Variants in STPG4 observed in about 807,000 individuals in gnomAD.
STPG4 encodes the protein sperm-tail PG-rich repeat containing 4, also known as protein STPG4.
In STPG4, 41 loss-of-function variants were observed where a neutral mutation model predicts 31.5. That is an observed-to-expected ratio of 1.30 (90% CI 1.01 to 1.69). STPG4 has a LOEUF of 1.69. Among genes scored for constraint, STPG4 ranks in the 40% most tolerant of loss-of-function variants. The pLI is 0.00. For missense variants in STPG4, 375 were observed against 293.4 expected (o/e 1.28, Z -2.03); for synonymous variants, 141 against 103.0 (o/e 1.37, Z -2.24).
At chr2:47,115,449 G>T (rs1258030729) in intron 5 of STPG4, among the ~76,000 whole-genome samples, 1 of 152,108 alleles carries the variant, frequency 6.6e-6, no homozygotes, top group Non-Finnish European at 1.5e-5. Flanking sequence ...GTTTTTGCAT[G>T]TTGAAAGTCT....
At chr2:47,142,274 CA>C (rs56407877) in intron 3 of STPG4, among the ~76,000 whole-genome samples, 128,349 of 151,360 alleles carry the variant, frequency 0.85, 54,900 homozygotes, top group South Asian at 0.94. Flanking sequence ...TCTTTTTGAC[CA>C]AAAAAAAAGA....
intron 5 of STPG4, 121 bp downstream of exon 5, chr2:47,129,820 G>C: frequency 8.0e-7 from 1 of 1,251,126 alleles, no homozygotes; most frequent in Non-Finnish European, 1.1e-6. Flanking sequence ...GGATAATGGT[G>C]TTCCTGCTAG....
At chr2:47,152,378 C>A (rs1686956110) in intron 2 of STPG4, among the ~76,000 whole-genome samples, 1 of 152,178 alleles carries the variant, frequency 6.6e-6, no homozygotes, top group Non-Finnish European at 1.5e-5. Context: ...GCTTTTGTGG[C>A]CATCTTTCCA....
chr2:47,107,565 C>T (rs1295061277), intron 5 of STPG4, among the ~76,000 whole-genome samples: 1 of 152,150 alleles, frequency 6.6e-6, no homozygotes, highest in Non-Finnish European at 1.5e-5. Context: ...GCCTCCCACC[C>T]CCTGTATGGG....
At chr2:47,130,141 T>C (rs1050387231) in intron 4 of STPG4, 55 bp downstream of exon 4, 5 of 1,529,288 alleles carry the variant, frequency 3.3e-6, no homozygotes, top group South Asian at 2.3e-5. Context: ...GCCAGGAGTA[T>C]TGGCGTGTAG....
At chr2:47,152,764 T>C (rs181752950) in intron 2 of STPG4, among the ~76,000 whole-genome samples, 193 bp downstream of exon 2, 1 of 152,346 alleles carries the variant, frequency 6.6e-6, no homozygotes, top group Admixed American at 6.5e-5. Context: ...CAAGCTTCTA[T>C]TGCATTCAAA....
At chr2:47,095,071 G>A (rs181037093) in intron 5 of STPG4, among the ~76,000 whole-genome samples, 1 of 152,344 alleles carries the variant, frequency 6.6e-6, no homozygotes, top group East Asian at 1.9e-4. Flanking sequence ...ACTGTCCCAA[G>A]TTGTTAGGCA....
chr2:47,114,283 T>C (rs904748996), intron 5 of STPG4, among the ~76,000 whole-genome samples: 1 of 151,984 alleles, frequency 6.6e-6, no homozygotes, highest in African/African-American at 2.4e-5. Context: ...GGTGGGCAGA[T>C]CGCTTGAGGC....
intron 6 of STPG4, among the ~76,000 whole-genome samples, chr2:47,088,114 CTG>C (rs1685497679): frequency 6.6e-6 from 1 of 151,942 alleles, no homozygotes; most frequent in African/African-American, 2.4e-5. Flanking sequence ...CGGTCTCACT[CTG>C]TCATCCAGCA....
At chr2:47,143,087 A>C (rs1317180979) in intron 3 of STPG4, among the ~76,000 whole-genome samples, 3 of 152,024 alleles carry the variant, frequency 2.0e-5, no homozygotes, top group African/African-American at 2.4e-5. Flanking sequence ...CGGCCTCCCA[A>C]ACTGCTGGGA....
intron 3 of STPG4, among the ~76,000 whole-genome samples, chr2:47,149,170 C>G (rs1686888117): frequency 6.6e-6 from 1 of 151,908 alleles, no homozygotes; most frequent in Non-Finnish European, 1.5e-5. Context: ...GAGTTTAATC[C>G]TTTGTGGGAG....
chr2:47,152,877 T>TA lies in STPG4; in HGVS notation c.141+79dup, dbSNP rs1686964820. 4.0e-6 allele frequency: 4 copies of TA among 990,376 alleles called. No homozygotes were observed. In the Admixed American group the frequency reaches 9.3e-5, roughly 23 times the overall value. The allele number at this position is 990,376 out of a possible 1,614,324, so 61.3% of individuals were successfully genotyped here. On this transcript the variant is annotated intron_variant, in intron 2 of 6. Coordinates refer to ENST00000445927, the MANE Select transcript of STPG4 (RefSeq NM_001163561.2). ...TCACTGTTTTCTTACAATTTAGTGT[T>TA]AGTCTTAAAAGCTATAATTGATTAA... is the stretch of plus-strand genomic sequence containing the variant.
intron 5 of STPG4, among the ~76,000 whole-genome samples, chr2:47,121,701 A>G (rs1239074632): frequency 6.6e-6 from 1 of 152,178 alleles, no homozygotes; most frequent in African/African-American, 2.4e-5. Context: ...GGCTAAAATT[A>G]TATGTCAGCA....
chr2:47,091,727 G>A (rs1054545348), intron 5 of STPG4, among the ~76,000 whole-genome samples: 2 of 152,066 alleles, frequency 1.3e-5, no homozygotes, highest in African/African-American at 4.8e-5. Context: ...AGTTGTATAT[G>A]TTTTTCAAGT....
At chr2:47,112,986 T>A (rs1245769374) in intron 5 of STPG4, among the ~76,000 whole-genome samples, 1 of 22,396 alleles carries the variant, frequency 4.5e-5, no homozygotes, top group African/African-American at 2.3e-4. Flanking sequence ...AGCAAGACTA[T>A]CTCAAAAAAA....
At chr2:47,103,992 T>C (rs962650229) in intron 5 of STPG4, among the ~76,000 whole-genome samples, 6 of 151,970 alleles carry the variant, frequency 3.9e-5, no homozygotes, top group East Asian at 1.9e-4. Flanking sequence ...TCAGTTGTAA[T>C]TGGGAGACTT....
At chr2:47,126,903 A>T (rs1686377155) in intron 5 of STPG4, among the ~76,000 whole-genome samples, 1 of 151,618 alleles carries the variant, frequency 6.6e-6, no homozygotes, top group African/African-American at 2.4e-5. Context: ...GCTCCATTGT[A>T]TGTTATTTAC....
chr2:47,136,244 C>G (rs1256911830), intron 3 of STPG4, among the ~76,000 whole-genome samples: 1 of 152,090 alleles, frequency 6.6e-6, no homozygotes, highest in African/African-American at 2.4e-5. Context: ...CTCCCAGGTT[C>G]AAGCGATTGT....
intron 3 of STPG4, among the ~76,000 whole-genome samples, chr2:47,133,692 C>T (rs1573186899): frequency 2.0e-5 from 3 of 149,194 alleles, no homozygotes; most frequent in Non-Finnish European, 3.0e-5. Context: ...ATTCTCCTGC[C>T]TCAGCCTCCT....
Sources: allele counts gnomAD v4.1 joint callset (sites outside exome capture counted in the v4.1 genomes callset), GRCh38; gene constraint gnomAD v4.1.1; transcripts MANE v1.5; gene names NCBI Gene and HGNC (gene_info 2026-07-23, HGNC 2026-07-21).